Variants in ST6GALNAC5 observed in about 807,000 individuals in gnomAD.
ST6GALNAC5 encodes the protein ST6 N-acetylgalactosaminide alpha-2,6-sialyltransferase 5.
ST6GALNAC5 carries 27 observed loss-of-function variants against 33.6 expected under a neutral mutation model. The observed-to-expected ratio is 0.80, with a 90% confidence interval of 0.59 to 1.11. ST6GALNAC5 has a LOEUF of 1.11. Ranked by LOEUF, ST6GALNAC5 falls within the 50% of genes least tolerant of loss-of-function variation. The pLI is 0.00. For missense variants in ST6GALNAC5, 428 were observed against 454.0 expected (o/e 0.94, Z 0.52); for synonymous variants, 194 against 171.2 (o/e 1.13, Z -1.04).
chr1:76,942,760 T>C (rs1373879612), intron 2 of ST6GALNAC5, among the ~76,000 whole-genome samples: 1 of 152,052 alleles, frequency 6.6e-6, no homozygotes, highest in African/African-American at 2.4e-5. Flanking sequence ...CATCTATGGG[T>C]TTCTGGGGAT....
chr1:76,876,686 C>T (rs925233889), intron 2 of ST6GALNAC5, among the ~76,000 whole-genome samples: 10 of 152,178 alleles, frequency 6.6e-5, no homozygotes, highest in African/African-American at 1.9e-4. Flanking sequence ...TGCACAACCA[C>T]GTGCACTGCT....
At chr1:77,059,517 A>G (rs59425853) in intron 4 of ST6GALNAC5, among the ~76,000 whole-genome samples, 5,465 of 152,296 alleles carry the variant, frequency 0.036, 197 homozygotes, top group African/African-American at 0.092. Context: ...CCAGAATCTC[A>G]TAACAGGAAG....
intron 2 of ST6GALNAC5, among the ~76,000 whole-genome samples, chr1:76,979,332 AT>A (rs2100378544): frequency 6.6e-6 from 1 of 152,344 alleles, no homozygotes; most frequent in Admixed American, 6.5e-5. Context: ...GAGCAAAAAA[AT>A]AAATAAATAA....
chr1:76,943,101 T>A (rs1647394206), intron 2 of ST6GALNAC5, among the ~76,000 whole-genome samples: 1 of 152,106 alleles, frequency 6.6e-6, no homozygotes, highest in Admixed American at 6.6e-5. Flanking sequence ...CTAGCCACAG[T>A]TAATGTTTGC....
chr1:76,897,859 C>A (rs1422241021), intron 2 of ST6GALNAC5, among the ~76,000 whole-genome samples: 1 of 152,092 alleles, frequency 6.6e-6, no homozygotes, highest in Non-Finnish European at 1.5e-5. Context: ...CCGTCAATAC[C>A]CACAACAGTT....
At chr1:77,027,608 T>C (rs1482150632) in intron 2 of ST6GALNAC5, among the ~76,000 whole-genome samples, 2 of 152,074 alleles carry the variant, frequency 1.3e-5, no homozygotes, top group Non-Finnish European at 2.9e-5. Context: ...TAAGACTTAA[T>C]GATTGATTTG....
At chr1:76,885,940 C>T (rs1653882731) in intron 2 of ST6GALNAC5, among the ~76,000 whole-genome samples, 1 of 152,208 alleles carries the variant, frequency 6.6e-6, no homozygotes. Flanking sequence ...GAGGGTATGG[C>T]CTGCGATAAC....
At chr1:76,967,534 G>C (rs1195742699) in intron 2 of ST6GALNAC5, among the ~76,000 whole-genome samples, 3 of 152,062 alleles carry the variant, frequency 2.0e-5, no homozygotes, top group African/African-American at 7.2e-5. Context: ...CAAAAAATCA[G>C]CTCCTGAATT....
intron 2 of ST6GALNAC5, among the ~76,000 whole-genome samples, chr1:76,895,728 A>T (rs1045549658): frequency 6.6e-6 from 1 of 152,210 alleles, no homozygotes; most frequent in Non-Finnish European, 1.5e-5. Context: ...AGAGCAGGGC[A>T]TGTATGAGTA....
chr1:77,031,293 G>A (rs1309105265), intron 2 of ST6GALNAC5, among the ~76,000 whole-genome samples: 1 of 152,216 alleles, frequency 6.6e-6, no homozygotes, highest in East Asian at 1.9e-4. Flanking sequence ...GCTTGGCAAA[G>A]TGAAAAATTA....
chr1:76,880,395 T>C (rs1533850), intron 2 of ST6GALNAC5, among the ~76,000 whole-genome samples: 74,779 of 151,916 alleles, frequency 0.49, 19,011 homozygotes, highest in African/African-American at 0.6. Context: ...TCTAGAACCA[T>C]TCCTGCTACA....
intron 2 of ST6GALNAC5, among the ~76,000 whole-genome samples, chr1:77,022,312 G>GGCATTGAA (rs1204437076): frequency 3.9e-5 from 6 of 152,086 alleles, no homozygotes; most frequent in African/African-American, 1.4e-4. Context: ...CACATGCTTT[G>GGCATTGAA]GCATTGAAAT....
At chr1:76,981,029 A>T (rs1027339400) in intron 2 of ST6GALNAC5, among the ~76,000 whole-genome samples, 3 of 152,206 alleles carry the variant, frequency 2.0e-5, no homozygotes, top group Admixed American at 1.3e-4. Context: ...ACATTCCAAG[A>T]TGGCCAAATA....
chr1:76,918,207 C>CT (rs2100292759), intron 2 of ST6GALNAC5, among the ~76,000 whole-genome samples: 1 of 152,228 alleles, frequency 6.6e-6, no homozygotes, highest in East Asian at 1.9e-4. Context: ...TGCCTGAAAT[C>CT]TTTTTTCTGG....
At chr1:76,912,882 T>G (rs1485358910) in intron 2 of ST6GALNAC5, among the ~76,000 whole-genome samples, 1 of 152,068 alleles carries the variant, frequency 6.6e-6, no homozygotes, top group Non-Finnish European at 1.5e-5. Flanking sequence ...AATTTGCCAG[T>G]CTGTGTCTTT....
chr1:76,896,070 G>C (rs2100257376), intron 2 of ST6GALNAC5, among the ~76,000 whole-genome samples: 1 of 152,280 alleles, frequency 6.6e-6, no homozygotes, highest in African/African-American at 2.4e-5. Flanking sequence ...TGAATACTAA[G>C]AGCCTGAAAA....
intron 2 of ST6GALNAC5, among the ~76,000 whole-genome samples, chr1:77,034,665 T>G (rs1651585339): frequency 6.6e-6 from 1 of 152,194 alleles, no homozygotes. Flanking sequence ...AAATGCTGTA[T>G]AGCGATTCCC....
chr1:76,938,298 T>C (rs1647242620), intron 2 of ST6GALNAC5, among the ~76,000 whole-genome samples: 1 of 151,996 alleles, frequency 6.6e-6, no homozygotes, highest in Admixed American at 6.6e-5. Flanking sequence ...TTCAAGAAGT[T>C]TGATGTGGAA....
In ST6GALNAC5 at chr1:77,066,643, G is replaced by C. The variant is rs1291024856; in HGVS notation, c.*3437G>C. Among the ~76,000 whole-genome samples the C allele has an allele frequency of 6.6e-6, 1 of 152,198 alleles. No homozygotes were observed. Among genetic ancestry groups the C allele is most frequent in the Non-Finnish European group, 1.5e-5 (1 of 68,032 alleles). On this transcript the variant is annotated 3_prime_UTR_variant, in exon 5 of 5. Coordinates refer to ENST00000477717, the MANE Select transcript of ST6GALNAC5 (RefSeq NM_030965.3). ...TATCCTGAATTCCACCAGGGTGATG[G>C]TTCAAATTGTTAAATAAACCTACTC...
Sources: gnomAD v4.1 joint callset for allele counts (sites outside exome capture counted in the v4.1 genomes callset) on GRCh38, gnomAD v4.1.1 for gene constraint, MANE v1.5 for transcripts, NCBI Gene and HGNC (gene_info 2026-07-23, HGNC 2026-07-21) for gene names.